The following SEC23IP variants were observed in gnomAD, a reference collection of about 807,000 sequenced individuals.
The protein encoded by SEC23IP is SEC23-interacting protein.
SEC23IP carries 70 observed loss-of-function variants against 113.4 expected under a neutral mutation model. The observed-to-expected ratio is 0.62, with a 90% CI of 0.51 to 0.75. The LOEUF (loss-of-function observed/expected upper bound fraction) is 0.75, where lower values mean the gene tolerates loss of function less well. Ranked by LOEUF, SEC23IP falls within the 30% of genes least tolerant of loss-of-function variation. The pLI is 0.00. For missense variants in SEC23IP, 1,160 were observed against 1,204.9 expected, an observed-to-expected ratio of 0.96 and a Z score of 0.55; for synonymous variants, 398 against 421.0, an observed-to-expected ratio of 0.95 and a Z score of 0.67.
intron 4 of SEC23IP, among the ~76,000 whole-genome samples, chr10:119,904,889 A>G (rs1033551474): frequency 6.6e-6 from 1 of 152,106 alleles, no homozygotes; most frequent in Non-Finnish European, 1.5e-5. Context: ...TCCCAGCACT[A>G]TGGGAGGCCT....
rs766550052 is a variant in SEC23IP, at chr10:119,898,633, A to G, written c.370A>G (p.Thr124Ala). The G allele has an allele frequency of 2.5e-6, 4 of 1,614,080 alleles. No homozygotes were observed. The highest frequency in any genetic ancestry group is 2.2e-5 in the South Asian group (2 of 91,092). ...GCCCCTGACTGCTCTCCCTTTTACA[A>G]CTGGATCCCAAGATGTCTCGAATGC... The part of the protein sequence containing the change: ...PKPLTALPFT[T>A]GSQDVSNAFS... Residue 124 changes from threonine (T) to alanine (A), a missense_variant, in exon 2 of 19, where the codon ACT (threonine) becomes GCT (alanine). Physicochemically the swap from Thr to Ala is moderately conservative, Grantham distance 58. Coordinates refer to ENST00000369075, the MANE Select transcript of SEC23IP (RefSeq NM_007190.4).
intron 5 of SEC23IP, among the ~76,000 whole-genome samples, chr10:119,911,241 A>G (rs543446535): frequency 1.9e-4 from 29 of 151,834 alleles, no homozygotes; most frequent in African/African-American, 5.3e-4. Context: ...AGACTCTTCA[A>G]TTGCAGGTTA....
At position 119,944,120 on chromosome 10, in the gene SEC23IP, C is replaced by T. The variant is rs1369243909; in HGVS notation, c.*3555C>T. 1.3e-5 allele frequency: 2 copies of T among 152,154 alleles called. No individual in the cohort carries two copies. The highest frequency in any genetic ancestry group is 2.9e-5 in the Non-Finnish European group (2 of 68,038). 9.4% of individuals were successfully genotyped at this position (152,154 alleles called of 1,614,324 possible). On this transcript the variant is annotated 3_prime_UTR_variant, in exon 19 of 19. Coordinates refer to ENST00000369075, the MANE Select transcript of SEC23IP (RefSeq NM_007190.4). ...ATCTCATCTTGAATTGTAATCCCCACGTGTCAGGGGAGGGACCTGGTGGGA... is the reference window on the plus strand; with the variant it reads ...ATCTCATCTTGAATTGTAATCCCCATGTGTCAGGGGAGGGACCTGGTGGGA...
chr10:119,893,954 G>T (rs1294040688), intron 1 of SEC23IP, among the ~76,000 whole-genome samples: 1 of 152,116 alleles, frequency 6.6e-6, no homozygotes, highest in African/African-American at 2.4e-5. Flanking sequence ...TGATGATTAT[G>T]TAGCATTGCC....
At position 119,912,074 on chromosome 10, in the gene SEC23IP, C is replaced by A. The variant is rs752167297; in HGVS notation, c.1222C>A (p.Pro408Thr). Residue 408 changes from proline to threonine, a missense_variant, in exon 6 of 19, where the codon CCA becomes ACA. Coordinates refer to ENST00000369075, the MANE Select transcript of SEC23IP (RefSeq NM_007190.4). ...TGTTCAGTTCCAGCCCTCCTCAGTGCCAGATGAATGGGGCACCACGCAAGA... is the reference window on the plus strand; with the variant it reads ...TGTTCAGTTCCAGCCCTCCTCAGTGACAGATGAATGGGGCACCACGCAAGA... Reference protein sequence around the residue: ...VIVQFQPSSVPDEWGTTQDGQ... With the variant: ...VIVQFQPSSVTDEWGTTQDGQ... 1 of 1,613,906 alleles carries A rather than the reference C, an allele frequency of 6.2e-7. No homozygotes were observed. Among genetic ancestry groups the A allele is most frequent in the East Asian group, 2.2e-5 (1 of 44,886 alleles).
intron 7 of SEC23IP, among the ~76,000 whole-genome samples, chr10:119,915,395 G>C (rs187518819): frequency 1.3e-5 from 2 of 152,138 alleles, no homozygotes; most frequent in East Asian, 1.9e-4. Context: ...GTAGGGGTTG[G>C]GGGTAAGTGA....
At chr10:119,925,948 C>T (rs1223454883) in intron 12 of SEC23IP, 88 bp from the exon 13 acceptor site, 13 of 1,109,754 alleles carry the variant, frequency 1.2e-5, no homozygotes, top group Non-Finnish European at 1.7e-5. Context: ...CTAATCATTC[C>T]TTAATACTGA....
intron 10 of SEC23IP, 63 bp from the exon 11 acceptor site, chr10:119,919,381 C>G: frequency 7.1e-7 from 1 of 1,409,748 alleles, no homozygotes; most frequent in Non-Finnish European, 9.7e-7. Flanking sequence ...TTTCGTAGAT[C>G]AGCAGTCATT....
intron 4 of SEC23IP, among the ~76,000 whole-genome samples, chr10:119,908,205 A>G (rs1252930769): frequency 3.3e-5 from 5 of 152,186 alleles, no homozygotes. Context: ...ATGGTTGGAC[A>G]GTGAAGATTT....
At chr10:119,907,622 A>G (rs540863275) in intron 4 of SEC23IP, among the ~76,000 whole-genome samples, 27 of 152,216 alleles carry the variant, frequency 1.8e-4, no homozygotes, top group Middle Eastern at 6.8e-3. Flanking sequence ...AGATTCAACC[A>G]AATACTCTGA....
intron 10 of SEC23IP, among the ~76,000 whole-genome samples, chr10:119,919,160 A>C (rs1458726735): frequency 6.6e-6 from 1 of 151,346 alleles, no homozygotes; most frequent in Non-Finnish European, 1.5e-5. Context: ...AGCTGAGCTA[A>C]TTTTTGTGTT....
chr10:119,903,834 C>T (rs1373726679), intron 3 of SEC23IP, among the ~76,000 whole-genome samples: 1 of 152,194 alleles, frequency 6.6e-6, no homozygotes, highest in Non-Finnish European at 1.5e-5. Flanking sequence ...AACTACTATG[C>T]CTCAGCCTCC....
rs200201214 is a variant in SEC23IP, at chr10:119,926,144, G to A, written c.2230G>A (p.Glu744Lys). 5.6e-6 allele frequency: 9 copies of A among 1,614,102 alleles called. No homozygotes were observed. The East Asian group carries it at 2.0e-4, about 36-fold the overall frequency. ...GGCTTCCCTCCCCTCAGAATCCAAT[G>A]AGCCAAAGAGGAAACTTCCAGTTGG... ...DMASLPSESN[E>K]PKRKLPVGAC... Residue 744 changes from glutamate (E) to lysine (K), a missense_variant, in exon 13 of 19, where the codon GAG (glutamate) becomes AAG (lysine). Physicochemically the swap from Glu to Lys is moderately conservative, Grantham distance 56. Transcript: ENST00000369075.
At chr10:119,907,818 G>T (rs964039118) in intron 4 of SEC23IP, among the ~76,000 whole-genome samples, 2 of 152,060 alleles carry the variant, frequency 1.3e-5, no homozygotes, top group Non-Finnish European at 2.9e-5. Context: ...AGATGTAGTG[G>T]CTCATTGCCT....
chr10:119,929,882 C>T (rs1233796764), intron 14 of SEC23IP, 120 bp downstream of exon 14: 4 of 634,616 alleles, frequency 6.3e-6, no homozygotes, highest in African/African-American at 5.5e-5. Context: ...CTCCTGGCCT[C>T]AAGTGATCCT....
At chr10:119,928,638 C>G (rs1044181481) in intron 13 of SEC23IP, among the ~76,000 whole-genome samples, 2 of 152,220 alleles carry the variant, frequency 1.3e-5, no homozygotes, top group Non-Finnish European at 2.9e-5. Flanking sequence ...CTGTTGAACA[C>G]TTGGATTATG....
At chr10:119,897,261 A>G (rs1854310203) in intron 1 of SEC23IP, among the ~76,000 whole-genome samples, 1 of 152,210 alleles carries the variant, frequency 6.6e-6, no homozygotes, top group Admixed American at 6.5e-5. Flanking sequence ...AGGGAACATA[A>G]AAGTTTCGTA....
intron 4 of SEC23IP, among the ~76,000 whole-genome samples, chr10:119,908,750 T>G (rs1185881602): frequency 6.6e-6 from 1 of 152,196 alleles, no homozygotes; most frequent in African/African-American, 2.4e-5. Flanking sequence ...ATTTTTTTTC[T>G]AAGTCACTCT....
chr10:119,893,348 C>T lies in SEC23IP; in HGVS notation c.163+403C>T, dbSNP rs544363365. On this transcript the variant is annotated intron_variant, in intron 1 of 18. Coordinates refer to ENST00000369075, the MANE Select transcript of SEC23IP (RefSeq NM_007190.4). ...ACGGTAAGATACCTCCTAGGATGGA[C>T]TGTGCCCCTCTCCTAGGATACGGTA... 2.0e-5 allele frequency among the ~76,000 whole-genome samples: 3 copies of T among 152,112 alleles called. No homozygotes were observed. The East Asian group carries it at 5.8e-4, about 29-fold the overall frequency.
Sources: gnomAD v4.1 joint callset for allele counts (sites outside exome capture counted in the v4.1 genomes callset) on GRCh38, gnomAD v4.1.1 for gene constraint, MANE v1.5 for transcripts, NCBI Gene and HGNC (gene_info 2026-07-23, HGNC 2026-07-21) for gene names.